Variants in ENTHD1 observed in about 807,000 individuals in gnomAD.
ENTHD1 encodes ENTH domain containing 1.
A neutral mutation model predicts 39.1 loss-of-function variants in ENTHD1; 23 were observed. The observed-to-expected ratio is 0.59, with a 90% CI of 0.42 to 0.83. The LOEUF is 0.83. Ranked by LOEUF, ENTHD1 falls within the 40% of genes least tolerant of loss-of-function variation. The pLI is 0.00. For synonymous variants in ENTHD1, 230 were observed against 258.2 expected, an observed-to-expected ratio of 0.89 and a Z score of 1.05; for missense variants, 624 against 705.4, an observed-to-expected ratio of 0.88 and a Z score of 1.31.
At chr22:39,792,989 G>T (rs1288234752) in intron 5 of ENTHD1, among the ~76,000 whole-genome samples, 1 of 152,062 alleles carries the variant, frequency 6.6e-6, no homozygotes, top group Non-Finnish European at 1.5e-5. Flanking sequence ...CCTATTTTTA[G>T]TTTTCTGAGA....
At chr22:39,821,502 G>T (rs2065782979) in intron 4 of ENTHD1, among the ~76,000 whole-genome samples, 1 of 152,138 alleles carries the variant, frequency 6.6e-6, no homozygotes, top group South Asian at 2.1e-4. Flanking sequence ...CAAGTAAAAA[G>T]TAGACACAAA....
At chr22:39,857,328 G>C (rs2146716759) in intron 3 of ENTHD1, among the ~76,000 whole-genome samples, 1 of 151,412 alleles carries the variant, frequency 6.6e-6, no homozygotes, top group African/African-American at 2.4e-5. Flanking sequence ...TGTAATCCCA[G>C]CTACTCTGGA....
chr22:39,890,081 G>C (rs1381758879), intron 1 of ENTHD1, among the ~76,000 whole-genome samples: 2 of 150,812 alleles, frequency 1.3e-5, no homozygotes, highest in Non-Finnish European at 2.9e-5. Context: ...CTGGGAGATA[G>C]AGTGAGACTC....
chr22:39,828,415 A>G (rs941759663), intron 4 of ENTHD1, among the ~76,000 whole-genome samples: 13 of 152,248 alleles, frequency 8.5e-5, no homozygotes, highest in African/African-American at 1.7e-4. Context: ...TAATTAGAAT[A>G]AGTAGAATTT....
chr22:39,853,363 T>C (rs2066059248), intron 3 of ENTHD1, among the ~76,000 whole-genome samples: 1 of 151,844 alleles, frequency 6.6e-6, no homozygotes, highest in Non-Finnish European at 1.5e-5. Flanking sequence ...AAACCCTGTC[T>C]CTACTAAAAA....
chr22:39,747,671 T>C (rs952042885), intron 6 of ENTHD1, among the ~76,000 whole-genome samples: 4 of 152,148 alleles, frequency 2.6e-5, no homozygotes, highest in Non-Finnish European at 5.9e-5. Flanking sequence ...TGAGAGGCTA[T>C]ATCTAATTAT....
chr22:39,879,834 T>C (rs2066323498), intron 2 of ENTHD1, among the ~76,000 whole-genome samples: 1 of 152,198 alleles, frequency 6.6e-6, no homozygotes, highest in South Asian at 2.1e-4. Flanking sequence ...AGTTGTTTAT[T>C]TGTAATTGTC....
intron 3 of ENTHD1, among the ~76,000 whole-genome samples, chr22:39,859,308 C>T (rs897901364): frequency 6.6e-6 from 1 of 152,168 alleles, no homozygotes; most frequent in Non-Finnish European, 1.5e-5. Flanking sequence ...TTATCATTCC[C>T]GTATTCATTG....
chr22:39,888,880 T>C (rs1318132268), intron 1 of ENTHD1, among the ~76,000 whole-genome samples: 2 of 152,182 alleles, frequency 1.3e-5, no homozygotes, highest in African/African-American at 2.4e-5. Flanking sequence ...TATAAAAATA[T>C]TATATTCTGA....
At chr22:39,797,601 C>T (rs1461831813) in intron 5 of ENTHD1, among the ~76,000 whole-genome samples, 1 of 151,948 alleles carries the variant, frequency 6.6e-6, no homozygotes, top group Non-Finnish European at 1.5e-5. Context: ...TGTAGGACTC[C>T]CTTAAGTATT....
chr22:39,848,825 A>G (rs935635961), intron 3 of ENTHD1, among the ~76,000 whole-genome samples: 2 of 152,200 alleles, frequency 1.3e-5, no homozygotes, highest in African/African-American at 4.8e-5. Context: ...TGTAAAAAAT[A>G]TATTCTAAAT....
intron 2 of ENTHD1, among the ~76,000 whole-genome samples, chr22:39,884,327 C>T (rs776811256): frequency 1.1e-4 from 16 of 151,976 alleles, no homozygotes; most frequent in Admixed American, 2.6e-4. Context: ...TACAAGTGCA[C>T]GCCACCATAC....
chr22:39,826,976 C>A lies in ENTHD1; in HGVS notation c.712-5863G>T, dbSNP rs1333058357. On this transcript the variant is annotated intron_variant, in intron 4 of 6. Transcript: ENST00000325157. ...TGTCCTGCCACTTCAGCCTCCCTGG[C>A]GGCTGGGACTATAAGCGCATGCCAC... 4.0e-5 allele frequency among the ~76,000 whole-genome samples: 6 copies of A among 151,056 alleles called. No homozygotes were observed. In the East Asian group the frequency reaches 7.8e-4, roughly 20 times the overall value.
rs535293401 is a variant in ENTHD1, at chr22:39,817,069, A to G, written c.832+3924T>C. ...TAGCTATATGCAAATTATACCTACT[A>G]TGTAATGCAACTTTTTACCCAAGTG... On this transcript the variant is annotated intron_variant, in intron 5 of 6. Transcript: ENST00000325157. 3.9e-5 allele frequency among the ~76,000 whole-genome samples: 6 copies of G among 152,348 alleles called. No homozygotes were observed. The South Asian group carries it at 1.2e-3, about 32-fold the overall frequency.
At chr22:39,761,680 C>T (rs2065233880) in intron 6 of ENTHD1, among the ~76,000 whole-genome samples, 1 of 151,990 alleles carries the variant, frequency 6.6e-6, no homozygotes. Flanking sequence ...TTTTCAAATT[C>T]ACTTGCTCTT....
chr22:39,828,609 G>C (rs1189322855), intron 4 of ENTHD1, among the ~76,000 whole-genome samples: 1 of 152,034 alleles, frequency 6.6e-6, no homozygotes. Flanking sequence ...TGAAGGTTTC[G>C]GTCAGCTTTA....
At chr22:39,879,063 C>T (rs1003419577) in intron 2 of ENTHD1, among the ~76,000 whole-genome samples, 4 of 151,636 alleles carry the variant, frequency 2.6e-5, no homozygotes, top group African/African-American at 4.8e-5. Context: ...AAAAATGAGA[C>T]GAAGGAGTGT....
At chr22:39,745,576 G>A (rs927546335) in intron 6 of ENTHD1, among the ~76,000 whole-genome samples, 1 of 152,098 alleles carries the variant, frequency 6.6e-6, no homozygotes, top group Non-Finnish European at 1.5e-5. Flanking sequence ...GCAGCAGCAG[G>A]GACATGAAAA....
At chr22:39,890,401 C>G (rs1197391611) in intron 1 of ENTHD1, among the ~76,000 whole-genome samples, 1 of 151,900 alleles carries the variant, frequency 6.6e-6, no homozygotes, top group African/African-American at 2.4e-5. Context: ...TTCTACCAAA[C>G]TCACTCAATG....
Sources: allele counts gnomAD v4.1 joint callset (sites outside exome capture counted in the v4.1 genomes callset), GRCh38; gene constraint gnomAD v4.1.1; transcripts MANE v1.5; gene names NCBI Gene and HGNC (gene_info 2026-07-23, HGNC 2026-07-21).